Variants in UBTD2 observed in about 807,000 individuals in gnomAD.
UBTD2 encodes ubiquitin domain-containing protein 2.
UBTD2 carries 9 observed loss-of-function variants against 19.8 expected under a neutral mutation model. That is an observed-to-expected ratio of 0.46 (90% CI 0.27 to 0.79). The LOEUF (loss-of-function observed/expected upper bound fraction) is 0.79. Among genes scored for constraint, UBTD2 ranks in the 30% least tolerant of loss-of-function variants. UBTD2 has a pLI of 0.14. For missense variants in UBTD2, 250 were observed against 300.4 expected, an observed-to-expected ratio of 0.83 and a Z score of 1.24; for synonymous variants, 98 against 103.9, an observed-to-expected ratio of 0.94 and a Z score of 0.35.
At chr5:172,212,660 C>A (rs1771473718) in intron 2 of UBTD2, among the ~76,000 whole-genome samples, 1 of 152,096 alleles carries the variant, frequency 6.6e-6, no homozygotes, top group Admixed American at 6.6e-5. Flanking sequence ...GAGCAGTTTT[C>A]TTTTATTCTT....
chr5:172,280,760 T>C (rs547792618), intron 1 of UBTD2, among the ~76,000 whole-genome samples: 1 of 152,302 alleles, frequency 6.6e-6, no homozygotes, highest in East Asian at 1.9e-4. Flanking sequence ...AATACAACAA[T>C]TAATCCCAAA....
chr5:172,237,044 G>A (rs902339441), intron 1 of UBTD2, among the ~76,000 whole-genome samples: 17 of 152,114 alleles, frequency 1.1e-4, no homozygotes, highest in African/African-American at 2.7e-4. Context: ...CAGATGATGC[G>A]TTTATGTTGC....
rs1314738797 is a variant in UBTD2, at chr5:172,210,638, A to C, written c.*1192T>G. The C allele has an allele frequency of 6.6e-6, 1 of 152,164 alleles. No individual in the cohort carries two copies. Among genetic ancestry groups the C allele is most frequent in the Non-Finnish European group, 1.5e-5 (1 of 68,036 alleles). 9.4% of individuals were successfully genotyped at this position (152,164 alleles called of 1,614,324 possible). On this transcript the variant is annotated 3_prime_UTR_variant, in exon 3 of 3. Coordinates refer to ENST00000393792, the MANE Select transcript of UBTD2 (RefSeq NM_152277.3). ...GGGAGGAAAATTGTCATCTACCATG[A>C]CTAGAGGTAACAGTGAACTGGAAAG...
In UBTD2 at chr5:172,210,866, C is replaced by G. The variant is rs1771429621; in HGVS notation, c.*964G>C. On this transcript the variant is annotated 3_prime_UTR_variant, in exon 3 of 3. Coordinates refer to ENST00000393792, the MANE Select transcript of UBTD2 (RefSeq NM_152277.3). ...TGGAGGAAATCATTTACTTTATTAA[C>G]TTGAGTGGGAACAGCTATAATTGAT... 2 of 152,048 alleles carry G rather than the reference C, an allele frequency of 1.3e-5. No homozygotes were observed. The highest frequency in any genetic ancestry group is 2.9e-5 in the Non-Finnish European group (2 of 68,018). 9.4% of individuals were successfully genotyped at this position (152,048 alleles called of 1,614,324 possible).
chr5:172,278,290 A>G (rs1185235426), intron 1 of UBTD2, among the ~76,000 whole-genome samples: 3 of 152,056 alleles, frequency 2.0e-5, no homozygotes, highest in Non-Finnish European at 2.9e-5. Context: ...TAAAAAAAAA[A>G]GTGGTATATA....
chr5:172,229,500 CAAAAAAAAAAA>C (rs5873303), intron 2 of UBTD2, among the ~76,000 whole-genome samples: 15 of 57,226 alleles, frequency 2.6e-4, no homozygotes, highest in Admixed American at 5.2e-4. Context: ...GACTCCGTCT[CAAAAAAAAAAA>C]AAAAAAAAAA....
intron 1 of UBTD2, among the ~76,000 whole-genome samples, chr5:172,261,797 G>C (rs1300698886): frequency 1.3e-5 from 2 of 152,026 alleles, no homozygotes; most frequent in African/African-American, 4.8e-5. Context: ...GCTAATTTCT[G>C]TATTTTTAAC....
intron 2 of UBTD2, among the ~76,000 whole-genome samples, chr5:172,223,357 C>A (rs1014015048): frequency 6.6e-5 from 10 of 151,910 alleles, no homozygotes; most frequent in Non-Finnish European, 1.2e-4. Context: ...GTAATCCCAG[C>A]ACTTTGGGAG....
intron 1 of UBTD2, among the ~76,000 whole-genome samples, chr5:172,240,816 T>C (rs1163086738): frequency 6.6e-6 from 1 of 152,138 alleles, no homozygotes; most frequent in East Asian, 1.9e-4. Context: ...TTGGGTGTGG[T>C]AGCTCATGCC....
chr5:172,228,992 G>C (rs984436399), intron 2 of UBTD2, among the ~76,000 whole-genome samples: 6 of 152,052 alleles, frequency 3.9e-5, no homozygotes, highest in Non-Finnish European at 7.4e-5. Flanking sequence ...AATAAAAAAA[G>C]TTAAGCCTTT....
chr5:172,266,242 T>C (rs750191122), intron 1 of UBTD2, among the ~76,000 whole-genome samples: 33 of 152,048 alleles, frequency 2.2e-4, no homozygotes, highest in Non-Finnish European at 2.9e-4. Flanking sequence ...GCACCACACA[T>C]TGTTTAGATT....
chr5:172,212,352 C>G (rs1771468490), intron 2 of UBTD2, 125 bp from the exon 3 acceptor site: 9 of 1,010,220 alleles, frequency 8.9e-6, no homozygotes, highest in Non-Finnish European at 9.8e-6. Flanking sequence ...TCACTCTCAG[C>G]TGATCATCAA....
At chr5:172,231,660 A>G (rs958409154) in intron 2 of UBTD2, among the ~76,000 whole-genome samples, 1 of 152,218 alleles carries the variant, frequency 6.6e-6, no homozygotes, top group Non-Finnish European at 1.5e-5. Context: ...TATAAGTACA[A>G]AATAAGAAAT....
intron 1 of UBTD2, among the ~76,000 whole-genome samples, chr5:172,262,586 C>T (rs539267755): frequency 1.3e-5 from 2 of 151,676 alleles, no homozygotes; most frequent in African/African-American, 4.8e-5. Flanking sequence ...CCGAGGTAGA[C>T]GGATCACTTG....
At chr5:172,218,338 T>C (rs549466417) in intron 2 of UBTD2, among the ~76,000 whole-genome samples, 194 of 152,294 alleles carry the variant, frequency 1.3e-3, no homozygotes, top group African/African-American at 4.4e-3. Flanking sequence ...GGGAAATTTA[T>C]AATGCCCATA....
intron 1 of UBTD2, among the ~76,000 whole-genome samples, chr5:172,260,722 C>T (rs1235152111): frequency 6.6e-6 from 1 of 152,186 alleles, no homozygotes; most frequent in Non-Finnish European, 1.5e-5. Flanking sequence ...GTGTCTCACT[C>T]GATGTCCATT....
chr5:172,247,878 ATTC>A (rs796849802), intron 1 of UBTD2, among the ~76,000 whole-genome samples: 33 of 152,336 alleles, frequency 2.2e-4, no homozygotes, highest in African/African-American at 7.9e-4. Context: ...CAGAATACAC[ATTC>A]TTCTTAAAAA....
intron 1 of UBTD2, among the ~76,000 whole-genome samples, chr5:172,256,905 C>T (rs750660035): frequency 2.2e-4 from 34 of 152,108 alleles, no homozygotes; most frequent in Non-Finnish European, 4.0e-4. Flanking sequence ...GCGATAACAG[C>T]GAGACTCCAT....
rs867256406 is a variant in UBTD2, at chr5:172,209,731, A to C, written c.*2099T>G. ...ACACATCAAGTACTGGTCCAATCTT[A>C]TATCAATCTATTTACAATTAAACAG... On this transcript the variant is annotated 3_prime_UTR_variant, in exon 3 of 3. Coordinates refer to ENST00000393792, the MANE Select transcript of UBTD2 (RefSeq NM_152277.3). 12 of 152,182 alleles carry C rather than the reference A, an allele frequency of 7.9e-5. No homozygotes were observed. The Admixed American group carries it at 7.9e-4, about 10-fold the overall frequency. The allele number at this position is 152,182 out of a possible 1,614,324, so 9.4% of individuals were successfully genotyped here.
Sources: gnomAD v4.1 joint callset for allele counts (sites outside exome capture counted in the v4.1 genomes callset) on GRCh38, gnomAD v4.1.1 for gene constraint, MANE v1.5 for transcripts, NCBI Gene and HGNC (gene_info 2026-07-23, HGNC 2026-07-21) for gene names.